ZFP62: variants seen among roughly 807,000 people sequenced by gnomAD.
ZFP62 encodes zinc finger protein 62 homolog.
In ZFP62, 44 loss-of-function variants were observed where a neutral mutation model predicts 56.4. That is an observed-to-expected ratio of 0.78 (90% CI 0.61 to 1.00). The LOEUF (loss-of-function observed/expected upper bound fraction) is 1.00. Ranked by LOEUF, ZFP62 falls within the 50% of genes least tolerant of loss-of-function variation. ZFP62 has a pLI of 0.00. For synonymous variants in ZFP62, 421 were observed against 388.9 expected, an observed-to-expected ratio of 1.08 and a Z score of -0.97; for missense variants, 1,030 against 1,085.7, an observed-to-expected ratio of 0.95 and a Z score of 0.72.
At chr5:180,860,480 C>T (rs939848687) in intron 1 of ZFP62, 4 of 152,138 alleles carry the variant, frequency 2.6e-5, no homozygotes, top group Non-Finnish European at 5.9e-5. Context: ...TGGGTTCCCG[C>T]AGGCTGTCCC....
the ZFP62 span, among the ~76,000 whole-genome samples, chr5:180,837,066 C>G: frequency 2.3e-3 from 347 of 152,320 alleles, no homozygotes; most frequent in Middle Eastern, 0.01. Flanking sequence ...CGCCTGCTTC[C>G]CAGAGCAATG....
chr5:180,850,704 T>C lies in ZFP62; in HGVS notation c.791A>G (p.Asn264Ser), dbSNP rs759742595. The C allele has an allele frequency of 1.2e-5, 19 of 1,604,362 alleles. No homozygotes were observed. The highest frequency in any genetic ancestry group is 3.4e-5 in the Admixed American group (2 of 58,160). Residue 264 changes from asparagine to serine, a missense_variant, in exon 2 of 2, where the codon AAC becomes AGC. By Grantham distance (46) the Asn-to-Ser change is conservative (BLOSUM62 1). Transcript: ENST00000502412. ...ECGECGKAFRNSSGLRVHKRI... is the reference protein window; with the variant it reads ...ECGECGKAFRSSSGLRVHKRI... ...TTTGTGGACTCTGAGCCCAGAGCTG[T>C]TCCTGAAGGCCTTCCCACACTCACC...
chr5:180,847,503 G>C (rs750083900), downstream of ZFP62: 4 of 782,834 alleles, frequency 5.1e-6, no homozygotes, highest in Non-Finnish European at 6.2e-6. Context: ...TGCTAGCCCT[G>C]TGGGATGAGT....
chr5:180,848,385 G>T lies in ZFP62; in HGVS notation c.*407C>A. The T allele has an allele frequency of 1.0e-6, 1 of 992,674 alleles. No homozygotes were observed. The highest frequency in any genetic ancestry group is 1.7e-5 in the African/African-American group (1 of 57,512). 61.5% of individuals were successfully genotyped at this position (992,674 alleles called of 1,614,324 possible). On this transcript the variant is annotated 3_prime_UTR_variant, in exon 2 of 2. Transcript: ENST00000502412. ...TTTTCCCACTGACCAATGTGTAATT[G>T]GGATTCAAAGCTATACCTGAATTTC...
At chr5:180,856,857 G>A (rs780162814) in intron 1 of ZFP62, among the ~76,000 whole-genome samples, 4 of 150,998 alleles carry the variant, frequency 2.6e-5, no homozygotes, top group Admixed American at 6.6e-5. Flanking sequence ...GGGAGGCTGA[G>A]GCAGGAGAAT....
chr5:180,831,686 C>CCCA, the ZFP62 span: 3 of 152,542 alleles, frequency 2.0e-5, no homozygotes, highest in Non-Finnish European at 2.9e-5. Flanking sequence ...CCCGGACCTG[C>CCCA]CCAACGACCG....
At chr5:180,828,100 T>C in the ZFP62 span, among the ~76,000 whole-genome samples, 88 of 152,242 alleles carry the variant, frequency 5.8e-4, no homozygotes, top group Non-Finnish European at 2.1e-4. Context: ...ATCCTCCATA[T>C]GCTGAACGCT....
chr5:180,846,383 C>T (rs904266341), downstream of ZFP62, among the ~76,000 whole-genome samples: 10 of 152,188 alleles, frequency 6.6e-5, no homozygotes, highest in African/African-American at 2.4e-4. Flanking sequence ...AGCTCAAGTA[C>T]GGGAGCTCTC....
chr5:180,837,831 G>A, the ZFP62 span, among the ~76,000 whole-genome samples: 1 of 152,118 alleles, frequency 6.6e-6, no homozygotes, highest in Non-Finnish European at 1.5e-5. Flanking sequence ...TCTGTCAAAT[G>A]TCTGGCTTCT....
At position 180,848,878 on chromosome 5, in the gene ZFP62, C is replaced by T; in HGVS notation, c.2617G>A (p.Val873Met). The T allele has an allele frequency of 5.8e-6, 9 of 1,551,678 alleles. No individual in the cohort carries two copies. The highest frequency in any genetic ancestry group is 1.2e-5 in the South Asian group (1 of 84,052). Residue 873 changes from valine (V) to methionine (M), a missense_variant, in exon 2 of 2, where the codon GTG (valine) becomes ATG (methionine). Physicochemically the swap from Val to Met is conservative, Grantham distance 21. Coordinates refer to ENST00000502412, the MANE Select transcript of ZFP62 (RefSeq NM_001172638.2). ...TGEESLNVIY[V>M]GSYSGTSQKR... ...TGGGATGTGCCACTATAACTTCCCA[C>T]ATATATCACATTTAAAGATTCCTCT...
chr5:180,827,322 T>C, the ZFP62 span, among the ~76,000 whole-genome samples: 2,687 of 152,292 alleles, frequency 0.018, 79 homozygotes, highest in African/African-American at 0.061. Context: ...TAGAAAGAAG[T>C]AGACGTAGGA....
chr5:180,837,207 C>T, the ZFP62 span, among the ~76,000 whole-genome samples: 1 of 152,230 alleles, frequency 6.6e-6, no homozygotes, highest in Non-Finnish European at 1.5e-5. Context: ...ACGAGACCAC[C>T]GTGTGGCCCA....
At chr5:180,846,447 A>C (rs895767119), downstream of ZFP62, among the ~76,000 whole-genome samples, 10 of 152,238 alleles carry the variant, frequency 6.6e-5, no homozygotes, top group Admixed American at 1.3e-4. Flanking sequence ...AGCTGGTCTC[A>C]TCTTCAGCAA....
At chr5:180,832,238 A>G in the ZFP62 span, among the ~76,000 whole-genome samples, 2 of 152,158 alleles carry the variant, frequency 1.3e-5, no homozygotes, top group Non-Finnish European at 1.5e-5. Flanking sequence ...TGCAGCCTCA[A>G]CCTTCCTGGA....
the ZFP62 span, among the ~76,000 whole-genome samples, chr5:180,837,120 C>T: frequency 6.6e-6 from 1 of 152,142 alleles, no homozygotes; most frequent in African/African-American, 2.4e-5. Flanking sequence ...TATTTCAGGC[C>T]ATCAGCTGGA....
the ZFP62 span, among the ~76,000 whole-genome samples, chr5:180,833,911 C>T: frequency 7.2e-5 from 11 of 152,102 alleles, no homozygotes; most frequent in Admixed American, 5.9e-4. Context: ...CCTCATGATC[C>T]GCCCGCCTCG....
the ZFP62 span, among the ~76,000 whole-genome samples, chr5:180,827,991 T>G: frequency 1.7e-4 from 26 of 152,326 alleles, no homozygotes; most frequent in Non-Finnish European, 1.5e-4. Flanking sequence ...GTCTGCTGAC[T>G]CTCTCCCCGC....
At chr5:180,845,666 C>A, downstream of ZFP62, 1 of 979,054 alleles carries the variant, frequency 1.0e-6, no homozygotes, top group Non-Finnish European at 1.2e-6. Flanking sequence ...AAGGGTCTCC[C>A]CAGCCCAGGA....
At chr5:180,859,321 C>T (rs1032814359) in intron 1 of ZFP62, among the ~76,000 whole-genome samples, 5 of 152,176 alleles carry the variant, frequency 3.3e-5, no homozygotes, top group African/African-American at 9.6e-5. Context: ...GAGAAAGTGA[C>T]AAAATGCTTA....
Sources: gnomAD v4.1 joint callset for allele counts (sites outside exome capture counted in the v4.1 genomes callset) on GRCh38, gnomAD v4.1.1 for gene constraint, MANE v1.5 for transcripts, NCBI Gene and HGNC (gene_info 2026-07-23, HGNC 2026-07-21) for gene names.